The following NSD2 variants were observed in gnomAD, a reference collection of about 807,000 sequenced individuals.
NSD2 encodes nuclear receptor binding SET domain protein 2.
NSD2 carries 12 observed loss-of-function variants against 139.0 expected under a neutral mutation model. That is an observed-to-expected ratio of 0.09 (90% CI 0.06 to 0.14). NSD2 has a LOEUF of 0.14. Among genes scored for constraint, NSD2 ranks in the 10% least tolerant of loss-of-function variants. NSD2 has a pLI of 1.00. For synonymous variants in NSD2, 669 were observed against 648.7 expected (o/e 1.03, Z -0.48); for missense variants, 1,155 against 1,745.0 (o/e 0.66, Z 6.02).
chr4:1,893,537 TTTTTTG>T (rs1367743276), intron 1 of NSD2, among the ~76,000 whole-genome samples: 32 of 136,138 alleles, frequency 2.4e-4, no homozygotes, highest in African/African-American at 7.0e-4. Flanking sequence ...TCTTTTTTTG[TTTTTTG>T]TTTTTTTTTT....
intron 17 of NSD2, 30 bp from the exon 18 acceptor site, chr4:1,961,005 T>C (rs1334117286): frequency 6.3e-7 from 1 of 1,594,874 alleles, no homozygotes; most frequent in Non-Finnish European, 8.6e-7. Context: ...AGCACGCTTT[T>C]TGTCATGGCC....
At chr4:1,898,403 G>A (rs1023677690) in intron 1 of NSD2, among the ~76,000 whole-genome samples, 2 of 152,140 alleles carry the variant, frequency 1.3e-5, no homozygotes, top group Non-Finnish European at 2.9e-5. Flanking sequence ...GGTGGCTCAC[G>A]CCTGTAATCC....
rs1722662285 is a variant in NSD2, at chr4:1,938,388, CTTTTTTTCTTTTCTTT to C, written c.1675-51_1675-36del. On this transcript the variant is annotated intron_variant, in intron 7 of 21. Coordinates refer to ENST00000508803, the MANE Select transcript of NSD2 (RefSeq NM_001042424.3). ...TTGTTGTTCTTTTTCTTTTTTTTTC[CTTTTTTTCTTTTCTTT>C]TTTTTTTCTTTCTTTTTTTTTTTTT... 12 of 1,130,146 alleles carry C rather than the reference CTTTTTTTCTTTTCTTT, an allele frequency of 1.1e-5. 1 individual carries two copies. Among genetic ancestry groups the C allele is most frequent in the East Asian group, 1.0e-4 (3 of 29,884 alleles). The allele number at this position is 1,130,146 out of a possible 1,614,324, so 70.0% of individuals were successfully genotyped here.
At chr4:1,898,508 CAA>C (rs1352830222) in intron 1 of NSD2, among the ~76,000 whole-genome samples, 1 of 151,476 alleles carries the variant, frequency 6.6e-6, no homozygotes, top group Non-Finnish European at 1.5e-5. Flanking sequence ...ACTAAAAATA[CAA>C]AAAATTAGCC....
At chr4:1,908,774 T>C (rs981864212) in intron 3 of NSD2, among the ~76,000 whole-genome samples, 1 of 151,918 alleles carries the variant, frequency 6.6e-6, no homozygotes, top group African/African-American at 2.4e-5. Context: ...ACAGTGTAGC[T>C]TTTGTTGTTG....
At chr4:1,892,570 C>T (rs1159650998) in intron 1 of NSD2, among the ~76,000 whole-genome samples, 1 of 149,792 alleles carries the variant, frequency 6.7e-6, no homozygotes, top group East Asian at 1.9e-4. Context: ...CCACTGATAA[C>T]TCTTTTTTTT....
Position 1,957,925 on chromosome 4 carries a change from CT to C in NSD2, c.2882-3del, listed in dbSNP as rs1184877966. The C allele has an allele frequency of 4.3e-6, 7 of 1,613,358 alleles. No individual in the cohort carries two copies. Among genetic ancestry groups the C allele is most frequent in the Non-Finnish European group, 5.9e-6 (7 of 1,179,550 alleles). On this transcript the variant is annotated splice_polypyrimidine_tract_variant and splice_region_variant and intron_variant, in intron 15 of 21. Transcript: ENST00000508803. ...AAAATCTTTACTCCTATTTCATTGA[CT>C]TTTTAGCACTGCAAGAAGCTGAAGC...
chr4:1,945,854 T>G (rs1723575482), intron 9 of NSD2: 7 of 1,061,912 alleles, frequency 6.6e-6, no homozygotes, highest in Admixed American at 1.1e-4. Context: ...AGATGAAAAA[T>G]AAGGTCGTTA....
intron 1 of NSD2, among the ~76,000 whole-genome samples, chr4:1,890,017 C>A (rs1197107574): frequency 1.3e-5 from 2 of 152,152 alleles, no homozygotes; most frequent in South Asian, 2.1e-4. Context: ...CCCTGGCAGC[C>A]ATTCTACTTC....
At chr4:1,957,890 T>C in intron 15 of NSD2, 43 bp from the exon 16 acceptor site, 2 of 1,558,638 alleles carry the variant, frequency 1.3e-6, no homozygotes, top group South Asian at 1.1e-5. Context: ...GGTAGTTACC[T>C]GTATTTACTA....
At chr4:1,929,194 C>T (rs1399844848) in intron 5 of NSD2, among the ~76,000 whole-genome samples, 1 of 151,782 alleles carries the variant, frequency 6.6e-6, no homozygotes, top group Non-Finnish European at 1.5e-5. Context: ...CTCATCCAGG[C>T]AACAAGAGGG....
chr4:1,955,954 G>T lies in NSD2; in HGVS notation c.2676-29G>T, dbSNP rs773651550. The T allele has an allele frequency of 1.9e-6, 3 of 1,612,668 alleles. No individual in the cohort carries two copies. ...TATTATCGCTGTCTCTGAGGAGTCTGTGAATCCTGTTTTTAATATTTATAA... is the reference window on the plus strand; with the variant it reads ...TATTATCGCTGTCTCTGAGGAGTCTTTGAATCCTGTTTTTAATATTTATAA... On this transcript the variant is annotated intron_variant, in intron 14 of 21. Coordinates refer to ENST00000508803, the MANE Select transcript of NSD2 (RefSeq NM_001042424.3). The surrounding 1 kb of genome is among the most constrained non-coding windows in gnomAD (Gnocchi z 4.7).
rs977372431 is a variant in NSD2, at chr4:1,958,143, G to T, written c.2985+107G>T. The T allele has an allele frequency of 4.4e-6, 5 of 1,142,118 alleles. No individual in the cohort carries two copies. Among genetic ancestry groups the T allele is most frequent in the Non-Finnish European group, 6.3e-6 (5 of 789,472 alleles). 70.7% of individuals were successfully genotyped at this position (1,142,118 alleles called of 1,614,324 possible). ...ATGGCTGGGGAGAGGACTGTCACCA[G>T]CCAGGATCTGTGGTGCCTGGCATGG... On this transcript the variant is annotated intron_variant, in intron 16 of 21. Transcript: ENST00000508803. The surrounding 1 kb of genome is among the most constrained non-coding windows in gnomAD (Gnocchi z 4.6).
At chr4:1,891,638 G>T (rs1217073076) in intron 1 of NSD2, among the ~76,000 whole-genome samples, 6 of 152,036 alleles carry the variant, frequency 3.9e-5, no homozygotes, top group African/African-American at 1.4e-4. Context: ...AGTTCACGAG[G>T]TGAGGAGATC....
rs760897959 is a variant in NSD2, at chr4:1,900,861, C to T, written c.207C>T (p.Asp69=). 80 of 1,613,170 alleles carry T rather than the reference C, an allele frequency of 5.0e-5. No individual in the cohort carries two copies. The highest frequency in any genetic ancestry group is 5.4e-5 in the Non-Finnish European group (64 of 1,179,454). ...TCATGCAGAAGTTTAACGGCCACGA[C>T]GCCCTGCCCTTTATTCCAGCCGACA... ...EGVMQKFNGH[D]ALPFIPADKL... is the part of the protein sequence containing the mutation. The change falls in exon 2 of 22, where the codon GAC becomes GAT. Residue 69 remains aspartate, a synonymous_variant. Coordinates refer to ENST00000508803, the MANE Select transcript of NSD2 (RefSeq NM_001042424.3).
intron 5 of NSD2, among the ~76,000 whole-genome samples, chr4:1,920,402 C>A (rs191124193): frequency 6.6e-6 from 1 of 152,088 alleles, no homozygotes; most frequent in African/African-American, 2.4e-5. Context: ...GAAATCATGC[C>A]GCTGCACTCC....
chr4:1,959,800 C>T, intron 17 of NSD2, 60 bp downstream of exon 17: 1 of 1,583,052 alleles, frequency 6.3e-7, no homozygotes, highest in East Asian at 2.3e-5. Flanking sequence ...GGTAATTAGG[C>T]CTAGGTTTGC....
chr4:1,881,938 C>T (rs1326418580), intron 1 of NSD2, among the ~76,000 whole-genome samples: 1 of 152,100 alleles, frequency 6.6e-6, no homozygotes, highest in African/African-American at 2.4e-5. Flanking sequence ...TGCAGAGCTT[C>T]TGTGATAGAG....
At chr4:1,893,337 A>C (rs10019114) in intron 1 of NSD2, among the ~76,000 whole-genome samples, 2 of 152,044 alleles carry the variant, frequency 1.3e-5, no homozygotes, top group African/African-American at 4.8e-5. Flanking sequence ...AGGCGTGGTG[A>C]TGCATGCCTG....
Sources: allele counts gnomAD v4.1 joint callset (sites outside exome capture counted in the v4.1 genomes callset), GRCh38; gene constraint gnomAD v4.1.1; non-coding constraint Gnocchi (gnomAD v3.1); transcripts MANE v1.5; gene names NCBI Gene and HGNC (gene_info 2026-07-23, HGNC 2026-07-21).